DLG2: variants seen among roughly 807,000 people sequenced by gnomAD.
DLG2 encodes the protein discs large MAGUK scaffold protein 2.
In DLG2, 45 loss-of-function variants were observed where a neutral mutation model predicts 132.5. That is an observed-to-expected ratio of 0.34 (90% confidence interval 0.27 to 0.44). The LOEUF (loss-of-function observed/expected upper bound fraction) is 0.44, where lower values mean the gene tolerates loss of function less well. Ranked by LOEUF, DLG2 falls within the 20% of genes least tolerant of loss-of-function variation. The pLI, the probability that DLG2 is intolerant of heterozygous loss-of-function variation, is 1.00. For missense variants in DLG2, 1,045 were observed against 1,196.9 expected (o/e 0.87, Z 1.87); for synonymous variants, 424 against 419.6 (o/e 1.01, Z -0.13).
chr11:83,932,597 T>G (rs559409063), intron 14 of DLG2, among the ~76,000 whole-genome samples: 3 of 152,202 alleles, frequency 2.0e-5, no homozygotes, highest in Non-Finnish European at 4.4e-5. Flanking sequence ...GTATGTATAT[T>G]ATGTACTAGA....
At chr11:84,429,257 A>T (rs978297080) in intron 7 of DLG2, among the ~76,000 whole-genome samples, 1 of 152,236 alleles carries the variant, frequency 6.6e-6, no homozygotes, top group Non-Finnish European at 1.5e-5. Flanking sequence ...ACAAATGAGT[A>T]CAAATCTTTC....
chr11:83,975,309 T>C (rs1031384761), intron 12 of DLG2, among the ~76,000 whole-genome samples: 55 of 152,146 alleles, frequency 3.6e-4, no homozygotes, highest in African/African-American at 1.3e-3. Flanking sequence ...ACTAAACCAC[T>C]GGTACAATCC....
intron 6 of DLG2, among the ~76,000 whole-genome samples, chr11:84,592,282 G>T (rs2099545215): frequency 6.6e-6 from 1 of 152,104 alleles, no homozygotes; most frequent in South Asian, 2.1e-4. Context: ...TATGATGTGG[G>T]CAATAAGCCA....
intron 6 of DLG2, among the ~76,000 whole-genome samples, chr11:84,821,447 T>C (rs530154574): frequency 6.6e-6 from 1 of 151,740 alleles, no homozygotes; most frequent in Non-Finnish European, 1.5e-5. Context: ...TAAAACTTTA[T>C]TTATGGGCAC....
chr11:83,922,844 T>C (rs2078204382), intron 15 of DLG2, among the ~76,000 whole-genome samples: 1 of 152,122 alleles, frequency 6.6e-6, no homozygotes, highest in Non-Finnish European at 1.5e-5. Flanking sequence ...AACAATAAAC[T>C]ACCTATGTAA....
chr11:85,439,460 C>T (rs61907125), intron 3 of DLG2, among the ~76,000 whole-genome samples: 2,153 of 151,494 alleles, frequency 0.014, 52 homozygotes, highest in African/African-American at 0.05. Flanking sequence ...TCCAGGTTCA[C>T]GCCATTCTCC....
intron 7 of DLG2, among the ~76,000 whole-genome samples, chr11:84,255,376 T>A (rs1200524805): frequency 2.6e-5 from 4 of 152,176 alleles, no homozygotes; most frequent in Admixed American, 1.3e-4. Context: ...CAGGCTGGAG[T>A]ACAGTGGTGC....
At chr11:84,808,879 T>C (rs1432827543) in intron 6 of DLG2, among the ~76,000 whole-genome samples, 2 of 151,912 alleles carry the variant, frequency 1.3e-5, no homozygotes, top group African/African-American at 4.8e-5. Flanking sequence ...TCTACAAACA[T>C]TTAAAAATAA....
At chr11:84,813,643 T>C (rs2076806989) in intron 6 of DLG2, among the ~76,000 whole-genome samples, 1 of 152,108 alleles carries the variant, frequency 6.6e-6, no homozygotes. Flanking sequence ...TAACAGATAT[T>C]GAGACAACCC....
chr11:85,456,308 A>C (rs1412093017), intron 3 of DLG2, among the ~76,000 whole-genome samples: 3 of 151,968 alleles, frequency 2.0e-5, no homozygotes, highest in African/African-American at 7.2e-5. Context: ...GGTTGGTGGT[A>C]ATGTCCCCTT....
chr11:84,702,405 A>C (rs2059311461), intron 6 of DLG2, among the ~76,000 whole-genome samples: 1 of 151,682 alleles, frequency 6.6e-6, no homozygotes, highest in Non-Finnish European at 1.5e-5. Flanking sequence ...TTACTGTGCA[A>C]ATGGACTTAA....
chr11:83,795,066 T>C (rs2042448696), intron 17 of DLG2, among the ~76,000 whole-genome samples: 1 of 152,192 alleles, frequency 6.6e-6, no homozygotes, highest in Non-Finnish European at 1.5e-5. Context: ...AACAATTTCA[T>C]TTATTGCTAC....
rs551397915 is a variant in DLG2 at position 85,614,364 on chromosome 11, G to A, written c.-93+12223C>T. ...TAACATTAAAATGTATAGTTCGGCCGGGCATGGTGGCTGACACCTGTAATC... is the reference window on the plus strand; with the variant it reads ...TAACATTAAAATGTATAGTTCGGCCAGGCATGGTGGCTGACACCTGTAATC... On this transcript the variant is annotated intron_variant, in intron 2 of 27. Transcript: ENST00000376104. 3.8e-4 allele frequency among the ~76,000 whole-genome samples: 58 copies of A among 151,740 alleles called. 2 individuals are homozygous for A. The highest frequency in any genetic ancestry group is 3.3e-4 in the Admixed American group (5 of 15,234).
chr11:83,718,517 T>A (rs1342971699), intron 18 of DLG2, among the ~76,000 whole-genome samples: 1 of 88,472 alleles, frequency 1.1e-5, no homozygotes, highest in Non-Finnish European at 2.0e-5. Context: ...AGAGTGAAAC[T>A]CCATCTCAAA....
intron 7 of DLG2, among the ~76,000 whole-genome samples, chr11:84,347,736 G>A (rs1367543877): frequency 6.6e-6 from 1 of 152,160 alleles, no homozygotes; most frequent in Non-Finnish European, 1.5e-5. Flanking sequence ...ACAATGAAAT[G>A]GCCAAGAGGT....
At chr11:84,341,631 C>T (rs569852422) in intron 7 of DLG2, among the ~76,000 whole-genome samples, 2 of 152,296 alleles carry the variant, frequency 1.3e-5, no homozygotes, top group South Asian at 2.1e-4. Flanking sequence ...CATAACAAGA[C>T]AATGCTGCCC....
chr11:84,153,669 T>C (rs1438938942), intron 9 of DLG2, among the ~76,000 whole-genome samples: 3 of 152,230 alleles, frequency 2.0e-5, no homozygotes, highest in Non-Finnish European at 2.9e-5. Context: ...GAAATTCCTG[T>C]AGTGAATTTT....
At chr11:84,312,534 G>T (rs1252162868) in intron 7 of DLG2, among the ~76,000 whole-genome samples, 1 of 152,188 alleles carries the variant, frequency 6.6e-6, no homozygotes, top group South Asian at 2.1e-4. Context: ...AAAGTTTAAA[G>T]AGATGCAGTA....
intron 6 of DLG2, among the ~76,000 whole-genome samples, chr11:84,737,287 G>C (rs2063962929): frequency 6.6e-6 from 1 of 151,922 alleles, no homozygotes; most frequent in Admixed American, 6.6e-5. Context: ...CTATGTTCAT[G>C]AGGGGTATTA....
Sources: allele counts gnomAD v4.1 joint callset (sites outside exome capture counted in the v4.1 genomes callset), GRCh38; gene constraint gnomAD v4.1.1; transcripts MANE v1.5; gene names NCBI Gene and HGNC (gene_info 2026-07-23, HGNC 2026-07-21).